The following ITPR2 variants were observed in gnomAD, a reference collection of about 807,000 sequenced individuals.
The protein encoded by ITPR2 is inositol 1,4,5-trisphosphate-gated calcium channel ITPR2.
ITPR2 carries 207 observed loss-of-function variants against 317.1 expected under a neutral mutation model. That is an observed-to-expected ratio of 0.65 (90% CI 0.58 to 0.73). The LOEUF (loss-of-function observed/expected upper bound fraction) is 0.73, where lower values mean the gene tolerates loss of function less well. Among genes scored for constraint, ITPR2 ranks in the 30% least tolerant of loss-of-function variants. The pLI, the probability that ITPR2 is intolerant of heterozygous loss-of-function variation, is 0.00. For missense variants in ITPR2, 2,613 were observed against 3,284.0 expected, an observed-to-expected ratio of 0.80 and a Z score of 4.99; for synonymous variants, 1,156 against 1,149.1, an observed-to-expected ratio of 1.01 and a Z score of -0.12.
chr12:26,347,152 C>G (rs1255421776), intron 55 of ITPR2, among the ~76,000 whole-genome samples: 2 of 152,130 alleles, frequency 1.3e-5, no homozygotes, highest in Non-Finnish European at 2.9e-5. Flanking sequence ...AGTGGAATAG[C>G]TCTTATATAA....
At chr12:26,385,990 A>G (rs1001458895) in intron 55 of ITPR2, among the ~76,000 whole-genome samples, 3 of 152,196 alleles carry the variant, frequency 2.0e-5, no homozygotes, top group African/African-American at 7.2e-5. Flanking sequence ...TCTTTAGTGT[A>G]TAGTATACCC....
chr12:26,601,152 T>G (rs1331956666), intron 28 of ITPR2, among the ~76,000 whole-genome samples: 1 of 152,206 alleles, frequency 6.6e-6, no homozygotes, highest in Non-Finnish European at 1.5e-5. Flanking sequence ...TGAAACTACC[T>G]AAAATTTCCC....
rs1159172116 is a variant in ITPR2, at chr12:26,439,230, C to T, written c.6540G>A (p.Val2180=). 1.2e-6 allele frequency: 2 copies of T among 1,613,124 alleles called. No individual in the cohort carries two copies. Among genetic ancestry groups the T allele is most frequent in the Non-Finnish European group, 1.7e-6 (2 of 1,179,396 alleles). ...GTTCATCCCTTTCAGTTGTATTGAA[C>T]ACACGGCACTTGGATTCTCGAGTGA... ...EYLTRESKCR[V]FNTTERDEQG... Residue 2180 remains valine, a synonymous_variant, in exon 47 of 57, where the codon GTG becomes GTA. Transcript: ENST00000381340.
intron 12 of ITPR2, 151 bp downstream of exon 12, chr12:26,682,423 G>T: frequency 1.7e-6 from 1 of 599,144 alleles, no homozygotes; most frequent in East Asian, 2.9e-5. Context: ...CTAAGCAACT[G>T]GCAGACATGC....
At chr12:26,794,296 T>C (rs1393051205) in intron 1 of ITPR2, among the ~76,000 whole-genome samples, 1 of 152,226 alleles carries the variant, frequency 6.6e-6, no homozygotes, top group African/African-American at 2.4e-5. Flanking sequence ...GTTACGTTTA[T>C]GCATTAAATT....
At chr12:26,666,886 G>A (rs1177413020) in intron 13 of ITPR2, among the ~76,000 whole-genome samples, 3 of 152,184 alleles carry the variant, frequency 2.0e-5, no homozygotes, top group Non-Finnish European at 4.4e-5. Flanking sequence ...TGTGTTAGTC[G>A]ATTGAGGGAG....
intron 32 of ITPR2, among the ~76,000 whole-genome samples, chr12:26,588,801 A>G (rs7309630): frequency 0.72 from 109,660 of 152,104 alleles, 41,087 homozygotes; most frequent in Non-Finnish European, 0.83. Flanking sequence ...GGATACTGAC[A>G]TGACAGAGAG....
At chr12:26,772,415 T>TATATATATTATATATAATATATATATA (rs1565751697) in intron 2 of ITPR2, among the ~76,000 whole-genome samples, 3 of 120,972 alleles carry the variant, frequency 2.5e-5, no homozygotes, top group Non-Finnish European at 3.7e-5. Context: ...TATACACATT[T>TATATATATTATATATAATATATATATA]ATATATATTA....
chr12:26,593,739 T>TGG (rs200879334), intron 32 of ITPR2, among the ~76,000 whole-genome samples: 93,161 of 147,548 alleles, frequency 0.63, 30,203 homozygotes, highest in Non-Finnish European at 0.74. Flanking sequence ...ATTTTTTTGT[T>TGG]TTTTTTTTTG....
chr12:26,568,006 T>TTATATATATATATTATATATATTA, intron 34 of ITPR2, among the ~76,000 whole-genome samples: 1 of 7,514 alleles, frequency 1.3e-4, no homozygotes, highest in African/African-American at 3.6e-4. Context: ...ATTATATATA[T>TTATATATATATATTATATATATTA]TATATATATA....
At chr12:26,470,399 C>T (rs1373063450) in intron 45 of ITPR2, among the ~76,000 whole-genome samples, 1 of 151,956 alleles carries the variant, frequency 6.6e-6, no homozygotes, top group Non-Finnish European at 1.5e-5. Context: ...AACATAAAAG[C>T]CAGTAAATCA....
At chr12:26,568,008 A>ATATTATATATAT (rs1565609814) in intron 34 of ITPR2, among the ~76,000 whole-genome samples, 17 of 5,494 alleles carry the variant, frequency 3.1e-3, no homozygotes, top group South Asian at 9.8e-3. Context: ...TATATATATT[A>ATATTATATATAT]TATATATATA....
intron 36 of ITPR2, 97 bp downstream of exon 36, chr12:26,556,136 C>A (rs916245690): frequency 2.6e-6 from 3 of 1,156,366 alleles, no homozygotes; most frequent in Non-Finnish European, 3.6e-6. Context: ...GCATACTTTG[C>A]GGACTGTCAT....
chr12:26,346,410 G>C (rs912001509), intron 55 of ITPR2, among the ~76,000 whole-genome samples: 4 of 152,134 alleles, frequency 2.6e-5, no homozygotes, highest in African/African-American at 9.7e-5. Flanking sequence ...ATCACCTGAG[G>C]TCAGGAGTTC....
intron 45 of ITPR2, among the ~76,000 whole-genome samples, chr12:26,464,344 G>A (rs777778868): frequency 6.6e-6 from 1 of 152,160 alleles, no homozygotes; most frequent in East Asian, 1.9e-4. Flanking sequence ...AGATCATCAT[G>A]CATTAGATTC....
chr12:26,453,913 G>A (rs1170739121), intron 45 of ITPR2, among the ~76,000 whole-genome samples: 6 of 152,150 alleles, frequency 3.9e-5, no homozygotes, highest in African/African-American at 1.4e-4. Flanking sequence ...GTTTCCAGAA[G>A]GACAGGGATT....
intron 4 of ITPR2, among the ~76,000 whole-genome samples, chr12:26,723,343 T>C (rs1385492253): frequency 2.6e-5 from 4 of 152,154 alleles, no homozygotes; most frequent in Non-Finnish European, 5.9e-5. Flanking sequence ...TGGGTCCTTA[T>C]GTTACCACAA....
At chr12:26,573,824 C>T (rs1206277419) in intron 34 of ITPR2, among the ~76,000 whole-genome samples, 1 of 152,160 alleles carries the variant, frequency 6.6e-6, no homozygotes, top group Non-Finnish European at 1.5e-5. Context: ...ACTAGACCAG[C>T]TCAGATGAGG....
At chr12:26,607,274 C>T (rs1330790852) in intron 26 of ITPR2, among the ~76,000 whole-genome samples, 1 of 152,106 alleles carries the variant, frequency 6.6e-6, no homozygotes, top group Non-Finnish European at 1.5e-5. Context: ...GTGCCAAATG[C>T]TTTCCTTCTT....
Sources: allele counts gnomAD v4.1 joint callset (sites outside exome capture counted in the v4.1 genomes callset), GRCh38; gene constraint gnomAD v4.1.1; transcripts MANE v1.5; gene names NCBI Gene and HGNC (gene_info 2026-07-23, HGNC 2026-07-21).